PSMA8: variants seen among roughly 807,000 people sequenced by gnomAD.
The protein encoded by PSMA8 is proteasome 20S subunit alpha 8.
In PSMA8, 18 loss-of-function variants were observed where a neutral mutation model predicts 32.4. That is an observed-to-expected ratio of 0.56 (90% confidence interval 0.38 to 0.82). The LOEUF is 0.82. Ranked by LOEUF, PSMA8 falls within the 40% of genes least tolerant of loss-of-function variation. The probability of loss-of-function intolerance (pLI) is 0.00; values close to 1 mark genes in which losing one functional copy is unlikely to be tolerated. For synonymous variants in PSMA8, 104 were observed against 98.1 expected (o/e 1.06, Z -0.36); for missense variants, 298 against 300.7 (o/e 0.99, Z 0.07).
At chr18:26,154,426 C>G (rs2055070555) in intron 3 of PSMA8, among the ~76,000 whole-genome samples, 1 of 152,086 alleles carries the variant, frequency 6.6e-6, no homozygotes, top group African/African-American at 2.4e-5. Flanking sequence ...AGGAACAGAA[C>G]ATTGTATACA....
intron 4 of PSMA8, among the ~76,000 whole-genome samples, chr18:26,177,250 G>A (rs565280295): frequency 2.2e-4 from 33 of 152,258 alleles, no homozygotes; most frequent in Non-Finnish European, 4.3e-4. Context: ...ATGTTTGGTT[G>A]TCACAACTGG....
intron 2 of PSMA8, among the ~76,000 whole-genome samples, chr18:26,150,465 G>A (rs886531890): frequency 6.6e-6 from 1 of 152,004 alleles, no homozygotes; most frequent in Non-Finnish European, 1.5e-5. Context: ...AGCCTCCCAA[G>A]TAGCTAGGAC....
Position 26,158,222 on chromosome 18 carries a change from C to G in PSMA8, c.455C>G (p.Ser152Cys). Residue 152 changes from serine (S) to cysteine (C), a missense_variant, in exon 4 of 7, where the codon TCT (serine) becomes TGT (cysteine). Coordinates refer to ENST00000415576, the MANE Select transcript of PSMA8 (RefSeq NM_001025096.2). ...GISRLYQTDPSGTYHAWKANA... is the reference protein window; with the variant it reads ...GISRLYQTDPCGTYHAWKANA... ...TCAAGATTGTATCAGACAGATCCTT[C>G]TGGTACTTATCATGCTTGGAAGGTG... 6.2e-7 allele frequency: 1 copy of G among 1,603,460 alleles called. No homozygotes were observed. The highest frequency in any genetic ancestry group is 8.5e-7 in the Non-Finnish European group (1 of 1,175,470).
chr18:26,164,336 G>A (rs974769726), intron 4 of PSMA8, among the ~76,000 whole-genome samples: 2 of 152,182 alleles, frequency 1.3e-5, no homozygotes, highest in African/African-American at 4.8e-5. Context: ...AATCATTAAG[G>A]GGTGCCAAAA....
At position 26,144,572 on chromosome 18, in the gene PSMA8, G is replaced by C; in HGVS notation, c.116G>C (p.Gly39Ala). The C allele has an allele frequency of 6.2e-7, 1 of 1,612,788 alleles. No individual in the cohort carries two copies. The highest frequency in any genetic ancestry group is 8.5e-7 in the Non-Finnish European group (1 of 1,178,996). The change falls in exon 2 of 7, where the codon GGT (glycine) becomes GCT (alanine). Residue 39 changes from glycine (G) to alanine (A), a missense_variant. Coordinates refer to ENST00000415576, the MANE Select transcript of PSMA8 (RefSeq NM_001025096.2). ...KKGSTAVGIR[G>A]TNIVVLGVEK... Reference sequence around the variant, plus strand: ...ATGACTTGACAGGTCGGAATTCGAGGTACCAATATAGTTGTTCTTGGGGTA... The same window carrying C: ...ATGACTTGACAGGTCGGAATTCGAGCTACCAATATAGTTGTTCTTGGGGTA...
intron 4 of PSMA8, among the ~76,000 whole-genome samples, chr18:26,161,246 T>A (rs188903786): frequency 7.9e-4 from 120 of 152,276 alleles, no homozygotes; most frequent in African/African-American, 2.6e-3. Context: ...GAGACAAAGA[T>A]TTACAAGTGG....
intron 4 of PSMA8, among the ~76,000 whole-genome samples, chr18:26,175,257 T>C (rs2055254688): frequency 6.6e-6 from 1 of 152,230 alleles, no homozygotes; most frequent in South Asian, 2.1e-4. Flanking sequence ...GACCTTGTCC[T>C]TCCTTAGGGT....
chr18:26,141,713 C>T (rs9953065), intron 1 of PSMA8, among the ~76,000 whole-genome samples: 13,125 of 109,518 alleles, frequency 0.12, 461 homozygotes, highest in African/African-American at 0.25. Flanking sequence ...TTTCTTTTTT[C>T]TTTTTTTTTT....
chr18:26,145,410 G>A (rs554251095), intron 2 of PSMA8, among the ~76,000 whole-genome samples: 10 of 152,184 alleles, frequency 6.6e-5, no homozygotes, highest in African/African-American at 1.9e-4. Context: ...GAGCCACCGC[G>A]CCCGGCCTCT....
chr18:26,163,257 A>ATATATATG (rs1332615584), intron 4 of PSMA8, among the ~76,000 whole-genome samples: 3 of 111,540 alleles, frequency 2.7e-5, no homozygotes, highest in Non-Finnish European at 5.6e-5. Context: ...ATATATATAT[A>ATATATATG]TATATGCTGT....
At chr18:26,136,794 A>G (rs1399722601) in intron 1 of PSMA8, among the ~76,000 whole-genome samples, 1 of 152,216 alleles carries the variant, frequency 6.6e-6, no homozygotes, top group Non-Finnish European at 1.5e-5. Flanking sequence ...TTTCTACTGC[A>G]CAATATACAG....
At chr18:26,163,258 T>TAA (rs1251367766) in intron 4 of PSMA8, among the ~76,000 whole-genome samples, 1 of 101,508 alleles carries the variant, frequency 9.9e-6, no homozygotes, top group African/African-American at 3.5e-5. Flanking sequence ...TATATATATA[T>TAA]ATATGCTGTG....
At chr18:26,149,258 C>T (rs4800244) in intron 2 of PSMA8, among the ~76,000 whole-genome samples, 38,892 of 151,950 alleles carry the variant, frequency 0.26, 8,796 homozygotes, top group African/African-American at 0.61. Context: ...TTTAAGGAGG[C>T]AAAAGATTTG....
chr18:26,163,346 A>T (rs1272098851), intron 4 of PSMA8, among the ~76,000 whole-genome samples: 1 of 150,602 alleles, frequency 6.6e-6, no homozygotes, highest in Non-Finnish European at 1.5e-5. Flanking sequence ...TCCCTTTGAA[A>T]AGGAGACATT....
chr18:26,156,375 G>A (rs1291420426), intron 3 of PSMA8, among the ~76,000 whole-genome samples: 1 of 152,046 alleles, frequency 6.6e-6, no homozygotes, highest in Non-Finnish European at 1.5e-5. Flanking sequence ...TATCACAGCA[G>A]TATTCACAAT....
At chr18:26,186,230 C>A (rs1415181811) in intron 6 of PSMA8, among the ~76,000 whole-genome samples, 3 of 112,384 alleles carry the variant, frequency 2.7e-5, no homozygotes, top group African/African-American at 3.4e-5. Flanking sequence ...GCCTGGGCAA[C>A]ACAGGGAGAC....
At chr18:26,164,011 G>A (rs2055158936) in intron 4 of PSMA8, among the ~76,000 whole-genome samples, 1 of 152,222 alleles carries the variant, frequency 6.6e-6, no homozygotes, top group Non-Finnish European at 1.5e-5. Flanking sequence ...AACAGTGTTT[G>A]AAGAAAGAGT....
intron 4 of PSMA8, among the ~76,000 whole-genome samples, chr18:26,166,789 T>C (rs1368158098): frequency 6.6e-6 from 1 of 152,172 alleles, no homozygotes; most frequent in Non-Finnish European, 1.5e-5. Flanking sequence ...AGGAAACAAC[T>C]GACAGTTGTT....
chr18:26,165,579 C>T (rs536170403), intron 4 of PSMA8, among the ~76,000 whole-genome samples: 1 of 151,822 alleles, frequency 6.6e-6, no homozygotes, highest in African/African-American at 2.4e-5. Flanking sequence ...TTTCCCCCCC[C>T]AAGATTGGCA....
Sources: gnomAD v4.1 joint callset for allele counts (sites outside exome capture counted in the v4.1 genomes callset) on GRCh38, gnomAD v4.1.1 for gene constraint, MANE v1.5 for transcripts, NCBI Gene and HGNC (gene_info 2026-07-23, HGNC 2026-07-21) for gene names.